TTLL8: variants seen among roughly 807,000 people sequenced by gnomAD.
TTLL8 encodes protein monoglycylase TTLL8.
In TTLL8, 65 loss-of-function variants were observed where a neutral mutation model predicts 77.8. The observed-to-expected ratio is 0.84, with a 90% CI of 0.68 to 1.03. TTLL8 has a LOEUF of 1.03. TTLL8 is among the 50% of genes least tolerant of loss of function. TTLL8 has a pLI of 0.00. For synonymous variants in TTLL8, 402 were observed against 422.8 expected, an observed-to-expected ratio of 0.95 and a Z score of 0.60; for missense variants, 910 against 1,004.5, an observed-to-expected ratio of 0.91 and a Z score of 1.27.
intron 11 of TTLL8, 44 bp downstream of exon 12, chr22:50,031,642 A>C: frequency 1.6e-6 from 2 of 1,223,616 alleles, no homozygotes; most frequent in Non-Finnish European, 2.1e-6. Context: ...AAGCATCCAC[A>C]TGGCGGGCGG....
Position 50,030,870 on chromosome 22 carries a change from CTG to C in TTLL8, c.1761_1762del (p.Ser588CysfsTer?), listed in dbSNP as rs1601913380. Reference sequence around the variant, plus strand: ...CACCTGCCTCCTGGCTCTCCTCACACTGACGCCCGCCACGCAGAGGTCGGACC... The same window carrying C: ...CACCTGCCTCCTGGCTCTCCTCACACACGCCCGCCACGCAGAGGTCGGACC... On this transcript the variant is annotated frameshift_variant, in exon 12 of 14. Transcript: ENST00000266182. LOFTEE classifies it high-confidence loss of function. 7.5e-7 allele frequency: 1 copy of C among 1,329,232 alleles called. No individual in the cohort carries two copies. The highest frequency in any genetic ancestry group is 2.1e-4 in the Middle Eastern group (1 of 4,730). The allele number at this position is 1,329,232 out of a possible 1,614,324, so 82.3% of individuals were successfully genotyped here. A position where few individuals can be genotyped will look rare whatever the true frequency, so the allele number is the denominator to read the frequency against.
chr22:50,058,230 C>T, upstream of TTLL8, among the ~76,000 whole-genome samples: 1 of 151,284 alleles, frequency 6.6e-6, no homozygotes, highest in East Asian at 1.9e-4. This position sits in a 1 kb window ranked among gnomAD's most constrained non-coding sequence, Gnocchi z 4.2. Context: ...GGGGCGGCCA[C>T]GCGCATTGTG....
rs1294189498 is a variant in TTLL8, at chr22:50,031,490, G to A, written c.1707+196C>T. The stretch of plus-strand genomic sequence containing the variant: ...GTAGCCCCTTCCTCGGTGCCGACGA[G>A]GCACTGAGCCCCATGGGAGAGCAGG... On this transcript the variant is annotated intron_variant, in intron 11 of 13. Coordinates refer to ENST00000266182, the Ensembl canonical transcript of TTLL8. 4 of 952,362 alleles carry A rather than the reference G, an allele frequency of 4.2e-6. No homozygotes were observed. In the African/African-American group the frequency reaches 5.3e-5, roughly 13 times the overall value. 59.0% of individuals were successfully genotyped at this position (952,362 alleles called of 1,614,324 possible).
intron 8 of TTLL8, among the ~76,000 whole-genome samples, chr22:50,035,626 C>T (rs564962429): frequency 2.0e-4 from 31 of 152,322 alleles, no homozygotes; most frequent in Admixed American, 1.2e-3. Flanking sequence ...TGGAGCAAAC[C>T]GGGCACAGCC....
upstream of TTLL8, chr22:50,057,040 G>A: frequency 8.7e-7 from 1 of 1,150,776 alleles, no homozygotes; most frequent in Non-Finnish European, 1.2e-6. Flanking sequence ...GATGGAGAGG[G>A]TTCTGAGGCC....
At chr22:50,056,050 G>A (rs570147076), upstream of TTLL8, among the ~76,000 whole-genome samples, 4 of 152,224 alleles carry the variant, frequency 2.6e-5, no homozygotes, top group East Asian at 1.9e-4. This position sits in a 1 kb window ranked among gnomAD's most constrained non-coding sequence, Gnocchi z 4.1. Flanking sequence ...ACCTCCGGTC[G>A]TCCTCACTGC....
At chr22:50,024,169 C>T (rs1443385726) in intron 12 of TTLL8, among the ~76,000 whole-genome samples, 1 of 152,178 alleles carries the variant, frequency 6.6e-6, no homozygotes. Context: ...TGGAGTCTCT[C>T]TCTGTCAACC....
chr22:50,022,289 G>A (rs1385581074), intron 12 of TTLL8, among the ~76,000 whole-genome samples: 1 of 145,104 alleles, frequency 6.9e-6, no homozygotes, highest in Non-Finnish European at 1.5e-5. Context: ...CTGACAATGT[G>A]CACTCCTCCA....
chr22:50,029,568 A>G lies in TTLL8; in HGVS notation c.2203+862T>C, dbSNP rs185966034. Among the ~76,000 whole-genome samples, 431 of 151,502 alleles carry G rather than the reference A, an allele frequency of 2.8e-3. 3 individuals are homozygous for G. Among genetic ancestry groups the G allele is most frequent in the Non-Finnish European group, 4.3e-3 (295 of 67,894 alleles). On this transcript the variant is annotated intron_variant, in intron 12 of 13. Transcript: ENST00000266182. ...ATCCTGACTAACACGGTGAAACCCC[A>G]TCTCTACTAAAAATTAGCCGGGCGC...
rs1054920916 is a variant in TTLL8 at position 50,030,060 on chromosome 22, C to A, written c.2203+370G>T. ...AAGCCCCGCGGTCACTTTGGCCCCT[C>A]GCTCGGCCAGGGAGCTTGGTGCTGT... On this transcript the variant is annotated intron_variant, in intron 12 of 13. Coordinates refer to ENST00000266182, the Ensembl canonical transcript of TTLL8. The A allele has an allele frequency of 1.4e-5, 10 of 721,070 alleles. No homozygotes were observed. In the African/African-American group the frequency reaches 1.9e-4, roughly 14 times the overall value. 44.7% of individuals were successfully genotyped at this position (721,070 alleles called of 1,614,324 possible).
chr22:50,030,731 G>A (rs1210449958), exon 12 of TTLL8: 1 of 1,319,712 alleles, frequency 7.6e-7, no homozygotes, highest in East Asian at 4.8e-5. Flanking sequence ...AGTCCCGCTG[G>A]AGAGCTGGTG....
intron 12 of TTLL8, among the ~76,000 whole-genome samples, chr22:50,022,011 ATGATGTG>A: frequency 1.5e-5 from 2 of 134,094 alleles, no homozygotes; most frequent in Non-Finnish European, 3.1e-5. Context: ...CCTCCATCTG[ATGATGTG>A]CGCTCCTTCA....
chr22:50,045,767 G>A, intron 5 of TTLL8, 89 bp downstream of exon 7: 1 of 1,255,956 alleles, frequency 8.0e-7, no homozygotes, highest in Non-Finnish European at 1.0e-6. Context: ...CTCAGACCCT[G>A]CCCCATCAGT....
At chr22:50,032,546 G>A (rs984697145) in intron 10 of TTLL8, among the ~76,000 whole-genome samples, 4 of 152,222 alleles carry the variant, frequency 2.6e-5, no homozygotes, top group Admixed American at 6.5e-5. Context: ...GACCGCAGCC[G>A]CTCGCCTGGG....
In TTLL8 at chr22:50,034,627, G is replaced by A. The variant is rs1216547042; in HGVS notation, c.922-165C>T. ...GCCTGGCGGGAAAGGGCTGCGGGTC[G>A]GCCCAGGAAGTTCTCCCAACAGTAT... On this transcript the variant is annotated intron_variant, in intron 8 of 13. Transcript: ENST00000266182. This position sits in a 1 kb window ranked among gnomAD's most constrained non-coding sequence, Gnocchi z 4.1. 23 of 592,256 alleles carry A rather than the reference G, an allele frequency of 3.9e-5. No homozygotes were observed. Among genetic ancestry groups the A allele is most frequent in the East Asian group, 2.1e-4 (3 of 14,434 alleles). The allele number at this position is 592,256 out of a possible 1,614,324, so 36.7% of individuals were successfully genotyped here.
chr22:50,034,134 G>A lies in TTLL8; in HGVS notation c.1039+211C>T, dbSNP rs994236799. Among the ~76,000 whole-genome samples, 6 of 152,216 alleles carry A rather than the reference G, an allele frequency of 3.9e-5. No homozygotes were observed. The highest frequency in any genetic ancestry group is 7.3e-5 in the Non-Finnish European group (5 of 68,040). Reference sequence around the variant, plus strand: ...GAAATCCTGATTAACCCATCAACCCGGATCCTGCCCTGTGATCGGAACACA... The same window carrying A: ...GAAATCCTGATTAACCCATCAACCCAGATCCTGCCCTGTGATCGGAACACA... On this transcript the variant is annotated intron_variant, in intron 9 of 13. Coordinates refer to ENST00000266182, the Ensembl canonical transcript of TTLL8. This position sits in a 1 kb window ranked among gnomAD's most constrained non-coding sequence, Gnocchi z 4.1.
chr22:50,033,181 C>T, intron 10 of TTLL8, 21 bp downstream of exon 11: 1 of 1,299,828 alleles, frequency 7.7e-7, no homozygotes, highest in Non-Finnish European at 1.0e-6. Flanking sequence ...CCGAGGTGTC[C>T]AGGTCGCCCA....
chr22:50,055,642 C>T (rs1439305104), upstream of TTLL8, among the ~76,000 whole-genome samples: 4 of 132,284 alleles, frequency 3.0e-5, no homozygotes, highest in African/African-American at 3.1e-5. Flanking sequence ...GCAACAAGAG[C>T]GAAACTCTGT....
intron 5 of TTLL8, 103 bp from the exon 8 acceptor site, chr22:50,045,492 C>T (rs1207149240): frequency 1.9e-6 from 2 of 1,056,374 alleles, no homozygotes; most frequent in African/African-American, 3.2e-5. Flanking sequence ...CACTTCCCGC[C>T]CTCATAGCCG....
Sources: gnomAD v4.1 joint callset for allele counts (sites outside exome capture counted in the v4.1 genomes callset) on GRCh38, gnomAD v4.1.1 for gene constraint, Gnocchi (gnomAD v3.1) non-coding constraint, MANE v1.5 for transcripts, NCBI Gene and HGNC (gene_info 2026-07-23, HGNC 2026-07-21) for gene names.